The following BTNL8 variants were observed in gnomAD, a reference collection of about 807,000 sequenced individuals.
The protein encoded by BTNL8 is butyrophilin like 8.
A neutral mutation model predicts 36.1 loss-of-function variants in BTNL8; 22 were observed. The observed-to-expected ratio is 0.61, with a 90% confidence interval of 0.44 to 0.87. BTNL8 has a LOEUF of 0.87. BTNL8 is among the 40% of genes least tolerant of loss of function. BTNL8 has a pLI of 0.00. For synonymous variants in BTNL8, 203 were observed against 235.6 expected (o/e 0.86, Z 1.27); for missense variants, 526 against 616.9 (o/e 0.85, Z 1.56).
At chr5:180,936,598 G>A (rs1758662666) in intron 3 of BTNL8, among the ~76,000 whole-genome samples, 1 of 152,138 alleles carries the variant, frequency 6.6e-6, no homozygotes, top group Non-Finnish European at 1.5e-5. Flanking sequence ...ACAAGCAAAT[G>A]GAAAACTATC....
intron 3 of BTNL8, among the ~76,000 whole-genome samples, chr5:180,920,736 C>T (rs1401854782): frequency 6.6e-6 from 1 of 152,052 alleles, no homozygotes; most frequent in Non-Finnish European, 1.5e-5. Flanking sequence ...ACTCATACAA[C>T]TCAATAACCA....
intron 1 of BTNL8, among the ~76,000 whole-genome samples, chr5:180,906,012 G>C (rs920543575): frequency 6.3e-5 from 9 of 143,954 alleles, no homozygotes; most frequent in African/African-American, 2.3e-4. Context: ...ATTTGCGGTG[G>C]AGAGTTCTGT....
chr5:180,905,073 A>G (rs1244558167), intron 1 of BTNL8, among the ~76,000 whole-genome samples: 4 of 151,096 alleles, frequency 2.6e-5, no homozygotes, highest in South Asian at 2.1e-4. Context: ...CTCTTTTTCT[A>G]TTGAATGGAA....
intron 3 of BTNL8, among the ~76,000 whole-genome samples, chr5:180,922,321 A>T (rs1451128163): frequency 6.6e-6 from 1 of 151,756 alleles, no homozygotes; most frequent in Non-Finnish European, 1.5e-5. Context: ...TTTTTGATGT[A>T]GTTGTTTAGT....
At chr5:180,945,510 C>G (rs894073201) in intron 3 of BTNL8, among the ~76,000 whole-genome samples, 1 of 152,068 alleles carries the variant, frequency 6.6e-6, no homozygotes, top group Admixed American at 6.5e-5. Flanking sequence ...AAACAGTTAA[C>G]AAGGTGAAGG....
At chr5:180,947,965 A>G in intron 4 of BTNL8, 1 of 724,000 alleles carries the variant, frequency 1.4e-6, no homozygotes, top group Admixed American at 3.0e-5. Flanking sequence ...GGAGGAAGCA[A>G]AAGTGACTGA....
intron 3 of BTNL8, among the ~76,000 whole-genome samples, chr5:180,945,217 A>C (rs548800405): frequency 6.6e-6 from 1 of 152,350 alleles, no homozygotes; most frequent in Admixed American, 6.5e-5. Flanking sequence ...GGATGAAGAA[A>C]GGACAGTCTC....
At chr5:180,911,672 G>A (rs1421658111) in intron 3 of BTNL8, 58 bp downstream of exon 3, 3 of 1,473,696 alleles carry the variant, frequency 2.0e-6, no homozygotes, top group African/African-American at 1.4e-5. Context: ...AACTCAGAGG[G>A]AGGACAGGAG....
At chr5:180,930,506 G>A (rs867807485) in intron 3 of BTNL8, among the ~76,000 whole-genome samples, 1 of 152,200 alleles carries the variant, frequency 6.6e-6, no homozygotes, top group Non-Finnish European at 1.5e-5. Context: ...AATAGGAAGA[G>A]AGGAAGTCAA....
At chr5:180,939,535 C>A (rs1212793587) in intron 3 of BTNL8, among the ~76,000 whole-genome samples, 1 of 152,018 alleles carries the variant, frequency 6.6e-6, no homozygotes, top group Non-Finnish European at 1.5e-5. Context: ...GAACCCAATA[C>A]AAAAGCACCA....
At chr5:180,904,434 G>A (rs113178677) in intron 1 of BTNL8, among the ~76,000 whole-genome samples, 2 of 103,518 alleles carry the variant, frequency 1.9e-5, no homozygotes, top group African/African-American at 5.0e-5. Context: ...GGCTGAGACA[G>A]TGGGGTTTTC....
At chr5:180,926,230 AC>A (rs1330813213) in intron 3 of BTNL8, among the ~76,000 whole-genome samples, 1 of 152,020 alleles carries the variant, frequency 6.6e-6, no homozygotes, top group African/African-American at 2.4e-5. Context: ...GGGTTGGGGA[AC>A]TCCCTCTCAT....
intron 7 of BTNL8, 129 bp downstream of exon 7, chr5:180,949,394 G>A: frequency 7.5e-7 from 1 of 1,331,298 alleles, no homozygotes; most frequent in South Asian, 1.2e-5. Context: ...TGGAGAAACT[G>A]GATGCTTGAT....
At chr5:180,921,921 A>T (rs1757883935) in intron 3 of BTNL8, among the ~76,000 whole-genome samples, 1 of 152,048 alleles carries the variant, frequency 6.6e-6, no homozygotes, top group Non-Finnish European at 1.5e-5. Context: ...AAAACAGAAA[A>T]ATAAATTAAC....
At chr5:180,932,138 A>G (rs1758417163) in intron 3 of BTNL8, among the ~76,000 whole-genome samples, 1 of 152,176 alleles carries the variant, frequency 6.6e-6, no homozygotes, top group Non-Finnish European at 1.5e-5. Flanking sequence ...ATAAACAAGC[A>G]TAAGTGGAAG....
At chr5:180,947,678 G>C (rs552118493) in intron 4 of BTNL8, 53 bp downstream of exon 4, 2 of 1,614,186 alleles carry the variant, frequency 1.2e-6, no homozygotes, top group South Asian at 1.1e-5. Context: ...TTCCAGCAGG[G>C]ACAGGATCAG....
chr5:180,921,352 TA>T (rs1295730474), intron 3 of BTNL8, among the ~76,000 whole-genome samples: 1 of 151,932 alleles, frequency 6.6e-6, no homozygotes. Context: ...AAAAAAGAGG[TA>T]ATCCCGACAC....
At chr5:180,919,399 T>C (rs143816369) in intron 3 of BTNL8, among the ~76,000 whole-genome samples, 102 of 152,354 alleles carry the variant, frequency 6.7e-4, no homozygotes, top group African/African-American at 2.2e-3. Context: ...TTCAGTTGAC[T>C]GGGAAGCTTA....
chr5:180,920,614 GC>G, intron 3 of BTNL8, among the ~76,000 whole-genome samples: 1 of 152,110 alleles, frequency 6.6e-6, no homozygotes, highest in South Asian at 2.1e-4. Flanking sequence ...AAACTAAAAA[GC>G]TTTTGCACAG....
Sources: gnomAD v4.1 joint callset for allele counts (sites outside exome capture counted in the v4.1 genomes callset) on GRCh38, gnomAD v4.1.1 for gene constraint, MANE v1.5 for transcripts, NCBI Gene and HGNC (gene_info 2026-07-23, HGNC 2026-07-21) for gene names.